CENPN: variants seen among roughly 807,000 people sequenced by gnomAD.
The protein encoded by CENPN is interphase centromere complex protein 32.
CENPN carries 36 observed loss-of-function variants against 48.6 expected under a neutral mutation model. The ratio of observed to expected loss-of-function variants is 0.74; its 90% confidence interval spans 0.57 to 0.98. The LOEUF (loss-of-function observed/expected upper bound fraction) is 0.98, where lower values mean the gene tolerates loss of function less well. Ranked by LOEUF, CENPN falls within the 50% of genes least tolerant of loss-of-function variation. The pLI, the probability that CENPN is intolerant of heterozygous loss-of-function variation, is 0.00. For missense variants in CENPN, 439 were observed against 399.2 expected (o/e 1.10, Z -0.85); for synonymous variants, 166 against 135.2 (o/e 1.23, Z -1.58).
chr16:81,017,878 C>T (rs778522610), intron 5 of CENPN, 44 bp downstream of exon 5: 34 of 1,150,314 alleles, frequency 3.0e-5, no homozygotes, highest in African/African-American at 4.7e-5. Context: ...AATGTCATGA[C>T]GTCTGTGCAC....
intron 6 of CENPN, among the ~76,000 whole-genome samples, chr16:81,021,543 C>T (rs1039483121): frequency 3.3e-5 from 5 of 152,080 alleles, no homozygotes; most frequent in Admixed American, 2.6e-4. Flanking sequence ...TGTGACCAGG[C>T]GAGCCCTAGG....
chr16:81,022,317 T>C (rs1970253542), intron 6 of CENPN: 1 of 361,252 alleles, frequency 2.8e-6, no homozygotes, highest in Non-Finnish European at 5.1e-6. Context: ...TATTTATTGT[T>C]TATTCCAAAG....
chr16:81,013,737 C>A (rs377544914), intron 2 of CENPN, among the ~76,000 whole-genome samples: 17 of 151,790 alleles, frequency 1.1e-4, no homozygotes, highest in African/African-American at 4.1e-4. Flanking sequence ...AAAAAAGAGA[C>A]ACGAGAAAAT....
intron 2 of CENPN, among the ~76,000 whole-genome samples, chr16:81,012,584 C>G (rs1969787940): frequency 6.6e-6 from 1 of 152,084 alleles, no homozygotes; most frequent in African/African-American, 2.4e-5. Flanking sequence ...CTCTCCTTCA[C>G]TTTTATTTAT....
chr16:81,009,725 A>C (rs978102560), intron 1 of CENPN, among the ~76,000 whole-genome samples: 1 of 152,238 alleles, frequency 6.6e-6, no homozygotes, highest in African/African-American at 2.4e-5. Context: ...CAAATAAGTC[A>C]CAGCCAGGAC....
Position 81,022,620 on chromosome 16 carries a change from C to T in CENPN, c.555C>T (p.His185=). Residue 185 remains histidine (H), a synonymous_variant, in exon 7 of 11, where the codon CAC becomes CAT. Coordinates refer to ENST00000305850, the MANE Select transcript of CENPN (RefSeq NM_001100624.3). ...LGQALTIASK[H]HQIVKMDLRS... ...AGGCGCTGACAATTGCTAGCAAACA[C>T]CATCAGATTGTGAAAATGGACCTGA... 6.2e-7 allele frequency: 1 copy of T among 1,614,006 alleles called. No individual in the cohort carries two copies. The highest frequency in any genetic ancestry group is 8.5e-7 in the Non-Finnish European group (1 of 1,179,968).
intron 8 of CENPN, among the ~76,000 whole-genome samples, chr16:81,025,691 C>CT (rs1175806121): frequency 3.3e-4 from 3 of 9,134 alleles, no homozygotes; most frequent in African/African-American, 4.2e-4. Context: ...CCCTGTCTCT[C>CT]TTTTTTTTTT....
chr16:81,020,336 A>G (rs1442592958), intron 6 of CENPN, 60 bp downstream of exon 6: 2 of 1,479,894 alleles, frequency 1.4e-6, no homozygotes, highest in African/African-American at 2.8e-5. Flanking sequence ...AGGTCTATAT[A>G]GATTTTAACT....
At chr16:81,026,967 T>C (rs1597109226) in intron 9 of CENPN, among the ~76,000 whole-genome samples, 1 of 152,030 alleles carries the variant, frequency 6.6e-6, no homozygotes, top group African/African-American at 2.4e-5. Context: ...ATTTTTTTTT[T>C]TGGAGTTTTA....
At chr16:81,016,035 G>T (rs1284657710) in intron 3 of CENPN, among the ~76,000 whole-genome samples, 2 of 151,496 alleles carry the variant, frequency 1.3e-5, no homozygotes, top group Admixed American at 1.3e-4. Flanking sequence ...AAGAAAACCT[G>T]GTCTGAAGTC....
intron 1 of CENPN, among the ~76,000 whole-genome samples, chr16:81,008,288 C>G (rs1209842827): frequency 6.6e-6 from 1 of 152,152 alleles, no homozygotes. Flanking sequence ...ATCTCAAGCC[C>G]TCCGTGCGCC....
In CENPN at chr16:81,028,553, T is replaced by C. The variant is rs768954842; in HGVS notation, c.938-16T>C. 10 of 1,585,984 alleles carry C rather than the reference T, an allele frequency of 6.3e-6. No homozygotes were observed. The highest frequency in any genetic ancestry group is 2.2e-5 in the East Asian group (1 of 44,670). On this transcript the variant is annotated splice_polypyrimidine_tract_variant and intron_variant, in intron 10 of 10. Coordinates refer to ENST00000305850, the MANE Select transcript of CENPN (RefSeq NM_001100624.3). ...TTTTAATTTTCTTTTTCCCTTTTTT[T>C]TTTTTTTAATTTCAGGTATTGCAGA...
chr16:81,018,394 G>A lies in CENPN; in HGVS notation c.354+560G>A, dbSNP rs151230087. Among the ~76,000 whole-genome samples, 1,271 of 152,072 alleles carry A rather than the reference G, an allele frequency of 8.4e-3. 16 individuals are homozygous for A. The highest frequency in any genetic ancestry group is 0.029 in the African/African-American group (1,205 of 41,470). On this transcript the variant is annotated intron_variant, in intron 5 of 10. Transcript: ENST00000305850. ...TCTCCATGTTGACCAGGCTGGTCTCGAACTCCTAACCTCAGATGATCTGCC... is the reference window on the plus strand; with the variant it reads ...TCTCCATGTTGACCAGGCTGGTCTCAAACTCCTAACCTCAGATGATCTGCC...
intron 3 of CENPN, 38 bp downstream of exon 3, chr16:81,014,219 A>G (rs752689266): frequency 1.3e-6 from 2 of 1,555,208 alleles, no homozygotes; most frequent in East Asian, 2.2e-5. Context: ...TTAACCAATC[A>G]GTTTATTAGA....
chr16:81,013,316 A>G (rs1252017545), intron 2 of CENPN, among the ~76,000 whole-genome samples: 1 of 152,258 alleles, frequency 6.6e-6, no homozygotes, highest in Non-Finnish European at 1.5e-5. Flanking sequence ...ATAAACCTCT[A>G]GAAAATGCAA....
Position 81,024,769 on chromosome 16 carries a change from G to A in CENPN, c.688G>A (p.Asp230Asn), listed in dbSNP as rs944037949. 6.2e-7 allele frequency: 1 copy of A among 1,604,956 alleles called. No homozygotes were observed. The highest frequency in any genetic ancestry group is 8.5e-7 in the Non-Finnish European group (1 of 1,173,038). The change falls in exon 8 of 11, where the codon GAT becomes AAT. Residue 230 changes from aspartate to asparagine, a missense_variant. Transcript: ENST00000305850. ...TPLQERSLGL[D>N]INMDSRIIHE... ...TCTACAGGAAAGAAGCCTTGGACTA[G>A]ATATAAATAGTACGTGTGTGTTAAT...
chr16:81,028,408 C>G, intron 10 of CENPN, 111 bp downstream of exon 10: 1 of 1,482,410 alleles, frequency 6.7e-7, no homozygotes, highest in Non-Finnish European at 9.2e-7. Context: ...GTCTGCTAGC[C>G]CATCCTGCTC....
chr16:81,023,023 T>A lies in CENPN; in HGVS notation c.633+325T>A, dbSNP rs1970288699. 3 of 751,150 alleles carry A rather than the reference T, an allele frequency of 4.0e-6. No individual in the cohort carries two copies. In the East Asian group the frequency reaches 9.4e-5, roughly 24 times the overall value. The allele number at this position is 751,150 out of a possible 1,614,324, so 46.5% of individuals were successfully genotyped here. A position where few individuals can be genotyped will look rare whatever the true frequency, so the allele number is the denominator to read the frequency against. On this transcript the variant is annotated intron_variant, in intron 7 of 10. Coordinates refer to ENST00000305850, the MANE Select transcript of CENPN (RefSeq NM_001100624.3). ...TATCTTTTGAAGCTAAATATATTAT[T>A]CTATGAAACAACAGAGAAGTAGAAT...
chr16:81,020,231 C>T lies in CENPN; in HGVS notation c.486C>T (p.Phe162=), dbSNP rs748365379. ...VVYYSQTPYA[F]TSSSMLRRNT... Reference sequence around the variant, plus strand: ...ACTACTCCCAGACTCCGTACGCCTTCACGTCCTCCTCCATGCTGAGGCGCA... The same window carrying T: ...ACTACTCCCAGACTCCGTACGCCTTTACGTCCTCCTCCATGCTGAGGCGCA... The change falls in exon 6 of 11, where the codon TTC becomes TTT. Residue 162 remains phenylalanine, a synonymous_variant. Transcript: ENST00000305850. The T allele has an allele frequency of 1.2e-6, 2 of 1,614,078 alleles. No homozygotes were observed. Among genetic ancestry groups the T allele is most frequent in the South Asian group, 2.2e-5 (2 of 91,058 alleles).
Sources: gnomAD v4.1 joint callset for allele counts (sites outside exome capture counted in the v4.1 genomes callset) on GRCh38, gnomAD v4.1.1 for gene constraint, MANE v1.5 for transcripts, NCBI Gene and HGNC (gene_info 2026-07-23, HGNC 2026-07-21) for gene names.